The following PAFAH2 variants were observed in gnomAD, a reference collection of about 807,000 sequenced individuals.
PAFAH2 encodes the protein platelet activating factor acetylhydrolase 2.
In PAFAH2, 42 loss-of-function variants were observed where a neutral mutation model predicts 49.0. That is an observed-to-expected ratio of 0.86 (90% CI 0.67 to 1.11). The LOEUF is 1.11. PAFAH2 is among the 50% of genes least tolerant of loss of function. PAFAH2 has a pLI of 0.00. For missense variants in PAFAH2, 503 were observed against 501.8 expected (o/e 1.00, Z -0.02); for synonymous variants, 184 against 181.3 (o/e 1.01, Z -0.12).
chr1:25,984,125 A>G (rs1207847635), intron 5 of PAFAH2, 38 bp from the exon 6 acceptor site: 4 of 1,611,252 alleles, frequency 2.5e-6, no homozygotes, highest in African/African-American at 2.7e-5. Context: ...ACCAGAAAAC[A>G]TTCTTGAGTT....
At position 25,959,879 on chromosome 1, in the gene PAFAH2, T is replaced by C. The variant is rs1311994912; in HGVS notation, c.*2110A>G. On this transcript the variant is annotated 3_prime_UTR_variant, in exon 11 of 11. Transcript: ENST00000374282. Reference sequence around the variant, plus strand: ...TGAAGGATGGAAACCATATGGGTCATTTTCTCTGACCACAAAGCAATCAAG... The same window carrying C: ...TGAAGGATGGAAACCATATGGGTCACTTTCTCTGACCACAAAGCAATCAAG... 6.6e-6 allele frequency: 1 copy of C among 152,164 alleles called. No homozygotes were observed. The highest frequency in any genetic ancestry group is 1.9e-4 in the East Asian group (1 of 5,198). 9.4% of individuals were successfully genotyped at this position (152,164 alleles called of 1,614,324 possible).
At chr1:25,968,476 C>T (rs1257146220) in intron 10 of PAFAH2, among the ~76,000 whole-genome samples, 10 of 151,874 alleles carry the variant, frequency 6.6e-5, no homozygotes, top group Admixed American at 6.6e-4. Flanking sequence ...AAATAGTCTT[C>T]CAGGAGAGTG....
intron 8 of PAFAH2, among the ~76,000 whole-genome samples, chr1:25,975,124 A>G (rs957751593): frequency 3.9e-5 from 6 of 152,206 alleles, no homozygotes; most frequent in Non-Finnish European, 7.3e-5. Context: ...GAGGTCAGGA[A>G]AAGCCTCCTT....
At chr1:25,975,558 G>C (rs2049576407) in intron 8 of PAFAH2, among the ~76,000 whole-genome samples, 1 of 152,110 alleles carries the variant, frequency 6.6e-6, no homozygotes, top group South Asian at 2.1e-4. Flanking sequence ...TAGGGCAACA[G>C]AGCAAGACCC....
chr1:25,989,354 AC>A, intron 3 of PAFAH2, 93 bp downstream of exon 3: 1 of 1,166,962 alleles, frequency 8.6e-7, no homozygotes, highest in Non-Finnish European at 1.2e-6. Flanking sequence ...AAGCCTGGAC[AC>A]TGCAGGCTAT....
intron 1 of PAFAH2, among the ~76,000 whole-genome samples, chr1:25,997,799 G>C (rs2049956884): frequency 6.6e-6 from 1 of 152,160 alleles, no homozygotes; most frequent in Non-Finnish European, 1.5e-5. Flanking sequence ...TCCTGGGACG[G>C]GAGCTCAGTG....
At position 25,992,894 on chromosome 1, in the gene PAFAH2, G is replaced by A. The variant is rs550709846; in HGVS notation, c.-47-2031C>T. ...GGTTGGTCCAATAGGCGTAAAACCC[G>A]GGACTTTGGTATGACGGTTGAGGGG... On this transcript the variant is annotated intron_variant, in intron 1 of 10. Transcript: ENST00000374282. 5.9e-5 allele frequency among the ~76,000 whole-genome samples: 9 copies of A among 152,324 alleles called. No individual in the cohort carries two copies. The South Asian group carries it at 1.4e-3, about 25-fold the overall frequency.
At chr1:25,967,018 T>G (rs1325719399) in intron 10 of PAFAH2, among the ~76,000 whole-genome samples, 5 of 115,322 alleles carry the variant, frequency 4.3e-5, no homozygotes, top group Non-Finnish European at 5.1e-5. Flanking sequence ...GGCGACAGAG[T>G]GAGACGCCTT....
intron 10 of PAFAH2, among the ~76,000 whole-genome samples, chr1:25,966,850 C>A (rs758746428): frequency 6.6e-6 from 1 of 151,826 alleles, no homozygotes; most frequent in East Asian, 1.9e-4. Context: ...GCTAACATGG[C>A]GAAACTCCAT....
At chr1:25,968,530 T>A (rs540135434) in intron 10 of PAFAH2, among the ~76,000 whole-genome samples, 25 of 152,082 alleles carry the variant, frequency 1.6e-4, no homozygotes, top group Admixed American at 5.9e-4. Context: ...GGAGTTAATA[T>A]GAAGGAAGCA....
rs1183787794 is a variant in PAFAH2 at position 25,972,620 on chromosome 1, T to C, written c.1022A>G (p.Asp341Gly). ...FFSTETRGSLDPYEGQEVMVR... is the reference protein window; with the variant it reads ...FFSTETRGSLGPYEGQEVMVR... ...CATAACCTCCTGCCCTTCATAGGGG[T>C]CCAGGCTCCCACGGGTTTCAGTGGA... Residue 341 changes from aspartate to glycine, a missense_variant, in exon 10 of 11, where the codon GAC becomes GGC. By Grantham distance (94) the Asp-to-Gly change is moderately conservative. Transcript: ENST00000374282. 2 of 1,613,688 alleles carry C rather than the reference T, an allele frequency of 1.2e-6. No homozygotes were observed. Among genetic ancestry groups the C allele is most frequent in the Admixed American group, 3.3e-5 (2 of 59,964 alleles).
intron 3 of PAFAH2, among the ~76,000 whole-genome samples, chr1:25,989,084 A>C (rs184345155): frequency 6.6e-6 from 1 of 152,266 alleles, no homozygotes; most frequent in East Asian, 1.9e-4. Flanking sequence ...TACATGCTAA[A>C]CAAAGGAGCA....
chr1:25,990,494 T>C (rs539661951), intron 2 of PAFAH2, among the ~76,000 whole-genome samples: 1 of 152,294 alleles, frequency 6.6e-6, no homozygotes, highest in South Asian at 2.1e-4. Context: ...GAGTCCCCCC[T>C]TTCCTCCTAG....
chr1:25,982,498 G>C, intron 6 of PAFAH2, 21 bp from the exon 7 acceptor site: 7 of 1,533,342 alleles, frequency 4.6e-6, no homozygotes, highest in Non-Finnish European at 5.4e-6. Flanking sequence ...GACAGTCCCA[G>C]TGGGACTGGA....
intron 10 of PAFAH2, among the ~76,000 whole-genome samples, chr1:25,969,357 G>A (rs559981657): frequency 7.2e-5 from 11 of 152,230 alleles, no homozygotes; most frequent in South Asian, 2.1e-4. Context: ...ACTGTCCTCC[G>A]TGTGGACAGT....
chr1:25,984,666 C>A, intron 4 of PAFAH2, 138 bp from the exon 5 acceptor site: 1 of 641,488 alleles, frequency 1.6e-6, no homozygotes, highest in Non-Finnish European at 2.8e-6. Context: ...GGCTTCCTTT[C>A]ACTTGAGAGA....
chr1:25,987,408 C>T (rs931162501), intron 4 of PAFAH2, among the ~76,000 whole-genome samples: 2 of 151,984 alleles, frequency 1.3e-5, no homozygotes, highest in African/African-American at 4.8e-5. Flanking sequence ...TGTTGATGAA[C>T]AGACAGAGAG....
Position 25,988,322 on chromosome 1 carries a change from A to G in PAFAH2, c.250T>C (p.Cys84Arg). The change falls in exon 4 of 11, where the codon TGT becomes CGT. Residue 84 changes from cysteine (C) to arginine (R), a missense_variant. Transcript: ENST00000374282. The part of the protein sequence containing the change: ...GLLFNLAVGS[C>R]RLPVSWNGPF... ...CCATTCCAGCTAACAGGCAGGCGAC[A>G]AGATCCTAGCAGAGACATGGGCTAT... The G allele has an allele frequency of 6.2e-7, 1 of 1,610,884 alleles. No individual in the cohort carries two copies. Among genetic ancestry groups the G allele is most frequent in the Non-Finnish European group, 8.5e-7 (1 of 1,178,242 alleles).
chr1:25,983,920 T>C, intron 6 of PAFAH2, 26 bp downstream of exon 6: 1 of 1,613,014 alleles, frequency 6.2e-7, no homozygotes, highest in Non-Finnish European at 8.5e-7. Context: ...TCATTAACTC[T>C]CCCTCCCCAA....
Sources: allele counts gnomAD v4.1 joint callset (sites outside exome capture counted in the v4.1 genomes callset), GRCh38; gene constraint gnomAD v4.1.1; transcripts MANE v1.5; gene names NCBI Gene and HGNC (gene_info 2026-07-23, HGNC 2026-07-21).